RBMS2: variants seen among roughly 807,000 people sequenced by gnomAD.
The protein encoded by RBMS2 is RNA binding motif single stranded interacting protein 2.
Under a neutral mutation model 58.4 loss-of-function variants are expected in RBMS2, and 38 were observed. The ratio of observed to expected loss-of-function variants is 0.65; its 90% CI spans 0.50 to 0.85. The LOEUF is 0.85. Ranked by LOEUF, RBMS2 falls within the 40% of genes least tolerant of loss-of-function variation. RBMS2 has a pLI of 0.00. For missense variants in RBMS2, 367 were observed against 503.7 expected (o/e 0.73, Z 2.60); for synonymous variants, 151 against 180.7 (o/e 0.84, Z 1.32).
rs1277606245 is a variant in RBMS2, at chr12:56,591,363, TCTATGTACATC to T, written c.*2234_*2244del. On this transcript the variant is annotated 3_prime_UTR_variant, in exon 14 of 14. Coordinates refer to ENST00000262031, the MANE Select transcript of RBMS2 (RefSeq NM_002898.4). ...GTCCCAGTGCCCCTAGTGTCGACTT[TCTATGTACATC>T]CTAGGGGTGAGGGAGTGCGGGGCAA... 1 of 152,116 alleles carries T rather than the reference TCTATGTACATC, an allele frequency of 6.6e-6. No individual in the cohort carries two copies. Among genetic ancestry groups the T allele is most frequent in the Non-Finnish European group, 1.5e-5 (1 of 68,018 alleles). 9.4% of individuals were successfully genotyped at this position (152,116 alleles called of 1,614,324 possible).
At chr12:56,530,941 T>C (rs535005656) in intron 1 of RBMS2, among the ~76,000 whole-genome samples, 1 of 152,286 alleles carries the variant, frequency 6.6e-6, no homozygotes, top group Admixed American at 6.5e-5. Flanking sequence ...ACTGTGGCCC[T>C]TTAAGAACTC....
chr12:56,581,626 G>T, intron 7 of RBMS2, 118 bp downstream of exon 7: 1 of 1,205,936 alleles, frequency 8.3e-7, no homozygotes, highest in East Asian at 2.4e-5. Flanking sequence ...ACGTAATTGA[G>T]AAATGCTGGC....
chr12:56,587,728 T>A, intron 11 of RBMS2, 64 bp downstream of exon 11: 1 of 1,523,914 alleles, frequency 6.6e-7, no homozygotes. Flanking sequence ...TGTAATACTC[T>A]TCAGCGTAAG....
At chr12:56,536,071 C>T (rs548177392) in intron 1 of RBMS2, among the ~76,000 whole-genome samples, 96 of 151,680 alleles carry the variant, frequency 6.3e-4, no homozygotes, top group Non-Finnish European at 5.9e-5. Flanking sequence ...CGTGGTGGCG[C>T]ACACCGTAAT....
intron 1 of RBMS2, among the ~76,000 whole-genome samples, chr12:56,559,685 A>G (rs1879998109): frequency 6.7e-6 from 1 of 149,254 alleles, no homozygotes; most frequent in East Asian, 2.1e-4. Flanking sequence ...CTCCGTCTCT[A>G]CTAAAAATAC....
intron 1 of RBMS2, among the ~76,000 whole-genome samples, chr12:56,524,688 T>G (rs1453655607): frequency 6.6e-6 from 1 of 151,584 alleles, no homozygotes; most frequent in East Asian, 1.9e-4. Context: ...AGTGCTGAGA[T>G]TATACTTTGA....
intron 10 of RBMS2, among the ~76,000 whole-genome samples, chr12:56,587,148 T>G (rs1884784464): frequency 6.6e-6 from 1 of 151,198 alleles, no homozygotes; most frequent in Non-Finnish European, 1.5e-5. Flanking sequence ...GTGCCTGTAA[T>G]CCCAGCTACT....
intron 1 of RBMS2, among the ~76,000 whole-genome samples, chr12:56,533,408 CTTTTTTTTTT>C (rs1164155079): frequency 9.2e-5 from 6 of 65,306 alleles, no homozygotes; most frequent in South Asian, 8.3e-4. Context: ...AGCCCTATTA[CTTTTTTTTTT>C]TTTTTTTTTT....
At chr12:56,555,139 C>A (rs559925859) in intron 1 of RBMS2, among the ~76,000 whole-genome samples, 1 of 151,730 alleles carries the variant, frequency 6.6e-6, no homozygotes, top group South Asian at 2.1e-4. Flanking sequence ...AGTGAGCTGG[C>A]CCTCAACATC....
chr12:56,525,723 G>A (rs1872547850), intron 1 of RBMS2, among the ~76,000 whole-genome samples: 3 of 151,888 alleles, frequency 2.0e-5, no homozygotes, highest in Admixed American at 2.0e-4. Flanking sequence ...GTGCAGTGGG[G>A]CGATCTCAGC....
intron 1 of RBMS2, among the ~76,000 whole-genome samples, chr12:56,541,767 G>A (rs1460154699): frequency 6.6e-6 from 1 of 152,182 alleles, no homozygotes; most frequent in Non-Finnish European, 1.5e-5. Flanking sequence ...GAGTAGCAAA[G>A]CTGAGTGTAT....
chr12:56,588,497 T>C (rs777242412), intron 12 of RBMS2, 123 bp downstream of exon 12: 121 of 935,122 alleles, frequency 1.3e-4, no homozygotes, highest in Non-Finnish European at 1.9e-4. Context: ...CTGGTAGGTA[T>C]ACGAAGAACG....
At chr12:56,561,109 T>C (rs888149804) in intron 1 of RBMS2, among the ~76,000 whole-genome samples, 1 of 152,230 alleles carries the variant, frequency 6.6e-6, no homozygotes, top group African/African-American at 2.4e-5. Context: ...TTCTTCTTTA[T>C]GGCTCCGTAG....
intron 11 of RBMS2, 35 bp downstream of exon 11, chr12:56,587,699 A>C: frequency 6.2e-7 from 1 of 1,600,900 alleles, no homozygotes; most frequent in South Asian, 1.1e-5. Flanking sequence ...AAACTCTCCT[A>C]CTGAGCAAGG....
intron 1 of RBMS2, among the ~76,000 whole-genome samples, chr12:56,532,773 A>T (rs1193245861): frequency 6.6e-6 from 1 of 152,170 alleles, no homozygotes; most frequent in Non-Finnish European, 1.5e-5. Flanking sequence ...AAGTGTAATA[A>T]TAGAGGAACA....
chr12:56,522,120 T>C (rs766441376), intron 1 of RBMS2, 31 bp downstream of exon 1: 7 of 1,509,706 alleles, frequency 4.6e-6, no homozygotes, highest in Non-Finnish European at 6.4e-6. Flanking sequence ...GGTATCTAGC[T>C]ACTTCTTTTT....
intron 5 of RBMS2, 146 bp from the exon 6 acceptor site, chr12:56,581,038 T>C: frequency 2.7e-6 from 2 of 737,390 alleles, no homozygotes; most frequent in South Asian, 1.7e-5. Context: ...AACCTTGAAT[T>C]TGTGTGGCAG....
At chr12:56,580,349 C>T in intron 5 of RBMS2, 1 of 391,584 alleles carries the variant, frequency 2.6e-6, no homozygotes, top group South Asian at 1.8e-5. Flanking sequence ...TCTCTCACCT[C>T]TGCCTCCTGA....
At chr12:56,588,714 C>T (rs1478551999) in intron 12 of RBMS2, 3 of 600,778 alleles carry the variant, frequency 5.0e-6, no homozygotes, top group African/African-American at 3.7e-5. Flanking sequence ...TAGTTGACAC[C>T]AGGATGCTGG....
Sources: gnomAD v4.1 joint callset for allele counts (sites outside exome capture counted in the v4.1 genomes callset) on GRCh38, gnomAD v4.1.1 for gene constraint, MANE v1.5 for transcripts, NCBI Gene and HGNC (gene_info 2026-07-23, HGNC 2026-07-21) for gene names.